GRID2: variants seen among roughly 807,000 people sequenced by gnomAD.
GRID2 encodes the protein glutamate ionotropic receptor delta type subunit 2, also known as glutamate receptor ionotropic, delta-2.
GRID2 carries 33 observed loss-of-function variants against 114.8 expected under a neutral mutation model. The observed-to-expected ratio is 0.29, with a 90% CI of 0.22 to 0.38. GRID2 has a LOEUF of 0.38. Among genes scored for constraint, GRID2 ranks in the 10% least tolerant of loss-of-function variants. The pLI is 1.00. For synonymous variants in GRID2, 505 were observed against 449.9 expected (o/e 1.12, Z -1.55); for missense variants, 1,184 against 1,257.7 (o/e 0.94, Z 0.89).
At chr4:93,209,001 A>G (rs921451632) in intron 5 of GRID2, among the ~76,000 whole-genome samples, 1 of 152,072 alleles carries the variant, frequency 6.6e-6, no homozygotes, top group South Asian at 2.1e-4. Context: ...GAAATTAAAC[A>G]ATTCAGCAAA....
intron 2 of GRID2, among the ~76,000 whole-genome samples, chr4:92,966,850 T>C (rs977103435): frequency 2.6e-5 from 4 of 151,958 alleles, no homozygotes; most frequent in African/African-American, 7.2e-5. Context: ...CTTTTGAAAG[T>C]ATAGAAAATA....
intron 2 of GRID2, among the ~76,000 whole-genome samples, chr4:92,662,471 A>C (rs929176155): frequency 6.6e-6 from 1 of 151,082 alleles, no homozygotes; most frequent in African/African-American, 2.4e-5. Context: ...AAAATTGTTC[A>C]ATAAAAATGG....
chr4:92,923,285 T>G (rs1049806747), intron 2 of GRID2, among the ~76,000 whole-genome samples: 10 of 152,164 alleles, frequency 6.6e-5, no homozygotes, highest in Non-Finnish European at 1.3e-4. Context: ...AGAACTAACA[T>G]GTTTATGCTG....
intron 1 of GRID2, among the ~76,000 whole-genome samples, chr4:92,540,368 A>C (rs1257709314): frequency 6.6e-6 from 1 of 152,054 alleles, no homozygotes. Context: ...CAACCTACAG[A>C]TTGGGAGAAA....
chr4:93,572,970 C>A (rs555676432), intron 13 of GRID2, among the ~76,000 whole-genome samples: 8 of 152,246 alleles, frequency 5.3e-5, no homozygotes, highest in Admixed American at 1.3e-4. Context: ...AGTAGTACAT[C>A]ATTTCCCCCT....
intron 2 of GRID2, among the ~76,000 whole-genome samples, chr4:92,718,773 A>AAAAAAAAAAAAAAGCCAGAATACTCTT (rs1735669179): frequency 6.6e-6 from 1 of 151,304 alleles, no homozygotes; most frequent in African/African-American, 2.4e-5. Flanking sequence ...AAAAAAAAAA[A>AAAAAAAAAAAAAAGCCAGAATACTCTT]AAAAAAAAAA....
intron 2 of GRID2, among the ~76,000 whole-genome samples, chr4:93,082,703 T>G (rs538834525): frequency 1.3e-5 from 2 of 152,318 alleles, no homozygotes; most frequent in South Asian, 4.1e-4. Context: ...TATTCCGATT[T>G]TGATTTTGTA....
intron 2 of GRID2, among the ~76,000 whole-genome samples, chr4:92,694,800 C>T (rs1240796748): frequency 1.3e-5 from 2 of 152,102 alleles, no homozygotes; most frequent in East Asian, 1.9e-4. Context: ...AGTGAGGTTC[C>T]TCAGATGTAT....
chr4:92,673,457 A>G (rs768113199), intron 2 of GRID2, among the ~76,000 whole-genome samples: 3 of 152,340 alleles, frequency 2.0e-5, no homozygotes, highest in South Asian at 2.1e-4. Flanking sequence ...AATATTTAAC[A>G]TATCAACCAT....
chr4:92,765,606 C>T (rs1291784859), intron 2 of GRID2, among the ~76,000 whole-genome samples: 8 of 151,950 alleles, frequency 5.3e-5, no homozygotes, highest in Non-Finnish European at 8.8e-5. Context: ...CTGTAGCATA[C>T]AAGAAACAGT....
chr4:92,485,535 C>G lies in GRID2; in HGVS notation c.89-104596C>G, dbSNP rs138978811. Among the ~76,000 whole-genome samples, 668 of 150,726 alleles carry G rather than the reference C, an allele frequency of 4.4e-3. 4 individuals carry two copies. The highest frequency in any genetic ancestry group is 0.016 in the African/African-American group (647 of 40,988). On this transcript the variant is annotated intron_variant, in intron 1 of 15. Coordinates refer to ENST00000282020, the MANE Select transcript of GRID2 (RefSeq NM_001510.4). ...TAAAACCCCATTTCTACTAAAAATACAAAAATTAGCCAGGCATGGTGTCAC... is the reference window on the plus strand; with the variant it reads ...TAAAACCCCATTTCTACTAAAAATAGAAAAATTAGCCAGGCATGGTGTCAC...
chr4:93,790,534 A>ATGT (rs1174710292), intron 1 of GRID2, among the ~76,000 whole-genome samples: 3 of 133,904 alleles, frequency 2.2e-5, no homozygotes, highest in African/African-American at 8.2e-5. Context: ...CCCTCAAAAA[A>ATGT]TGTTATTTAA....
At chr4:92,793,230 C>T (rs1303229769) in intron 2 of GRID2, among the ~76,000 whole-genome samples, 3 of 151,586 alleles carry the variant, frequency 2.0e-5, no homozygotes, top group Admixed American at 1.3e-4. Context: ...ATGGTTGTGT[C>T]TTGTTTGATT....
At chr4:92,747,231 A>T (rs11725769) in intron 2 of GRID2, among the ~76,000 whole-genome samples, 32,976 of 151,952 alleles carry the variant, frequency 0.22, 4,582 homozygotes, top group African/African-American at 0.4. Context: ...TTATAAAAAA[A>T]GATATATAAA....
chr4:92,480,348 T>C (rs901869072), intron 1 of GRID2, among the ~76,000 whole-genome samples: 27 of 152,200 alleles, frequency 1.8e-4, no homozygotes, highest in African/African-American at 6.5e-4. Flanking sequence ...ATAGTTTTCT[T>C]GAGTCAATAT....
In GRID2 at chr4:92,379,978, G is replaced by A. The variant is rs545983436; in HGVS notation, c.88+75234G>A. On this transcript the variant is annotated intron_variant, in intron 1 of 15. Transcript: ENST00000282020. ...TTGTTGCTTTGGAGAAGAAAATATC[G>A]TTTGTTGTAAGCAAAATTGTCCAAC... Among the ~76,000 whole-genome samples the A allele has an allele frequency of 7.8e-4, 118 of 151,946 alleles. 1 individual carries two copies. Among genetic ancestry groups the A allele is most frequent in the African/African-American group, 2.7e-3 (111 of 41,522 alleles).
intron 1 of GRID2, among the ~76,000 whole-genome samples, chr4:93,791,565 G>T (rs1734695138): frequency 6.6e-6 from 1 of 152,140 alleles, no homozygotes; most frequent in Non-Finnish European, 1.5e-5. Flanking sequence ...ATTTTTAAAG[G>T]TTTTATCCAC....
At chr4:93,588,959 C>T (rs1199293916) in intron 13 of GRID2, among the ~76,000 whole-genome samples, 1 of 152,098 alleles carries the variant, frequency 6.6e-6, no homozygotes, top group Non-Finnish European at 1.5e-5. Flanking sequence ...TCATCATATA[C>T]ATTATACCCA....
chr4:92,439,458 TG>T (rs1258609113), intron 1 of GRID2, among the ~76,000 whole-genome samples: 2 of 151,914 alleles, frequency 1.3e-5, no homozygotes, highest in African/African-American at 4.8e-5. Flanking sequence ...GTTAAAGTGT[TG>T]GGGTGGTGAA....
Sources: gnomAD v4.1 joint callset for allele counts (sites outside exome capture counted in the v4.1 genomes callset) on GRCh38, gnomAD v4.1.1 for gene constraint, MANE v1.5 for transcripts, NCBI Gene and HGNC (gene_info 2026-07-23, HGNC 2026-07-21) for gene names.